Variants in LRRC74B observed in about 807,000 individuals in gnomAD.
The protein encoded by LRRC74B is leucine rich repeat containing 74B.
LRRC74B carries 30 observed loss-of-function variants against 16.6 expected under a neutral mutation model. That is an observed-to-expected ratio of 1.80 (90% confidence interval 1.35 to 2.45). The LOEUF (loss-of-function observed/expected upper bound fraction) is 2.45. Among genes scored for constraint, LRRC74B ranks in the 30% most tolerant of loss-of-function variants. The pLI is 0.00. For synonymous variants in LRRC74B, 134 were observed against 86.0 expected, an observed-to-expected ratio of 1.56 and a Z score of -3.09; for missense variants, 326 against 202.4, an observed-to-expected ratio of 1.61 and a Z score of -3.71.
At chr22:21,046,328 C>G (rs1184881846) in intron 1 of LRRC74B, among the ~76,000 whole-genome samples, 1 of 132,804 alleles carries the variant, frequency 7.5e-6, no homozygotes, top group Admixed American at 7.3e-5. Flanking sequence ...AAGGGCTGTC[C>G]CACCCTGAAA....
At chr22:21,057,023 G>A in intron 7 of LRRC74B, 82 bp from the exon 8 acceptor site, 2 of 687,876 alleles carry the variant, frequency 2.9e-6, no homozygotes, top group Non-Finnish European at 5.4e-6. Context: ...CCTCAGAGAT[G>A]AGGAGCCCCT....
At chr22:21,061,184 A>G (rs527254160), downstream of LRRC74B, among the ~76,000 whole-genome samples, 40 of 152,236 alleles carry the variant, frequency 2.6e-4, no homozygotes, top group African/African-American at 8.2e-4. Context: ...AAAATTAGCC[A>G]GGCATGATGG....
In LRRC74B at chr22:21,047,895, T is replaced by C. The variant is rs1462795764; in HGVS notation, c.294T>C (p.Ala98=). The change falls in exon 3 of 9, where the codon GCT becomes GCC. Residue 98 remains alanine (A), a synonymous_variant. Transcript: ENST00000442047. ...TCTGTCTGTCCCAGGGCGCCCGGGC[T>C]CTGGCTTCCTCATTGAGCTCCAATC... 6 of 717,390 alleles carry C rather than the reference T, an allele frequency of 8.4e-6. No individual in the cohort carries two copies. The Admixed American group carries it at 1.2e-4, about 14-fold the overall frequency. The allele number at this position is 717,390 out of a possible 1,614,324, so 44.4% of individuals were successfully genotyped here.
downstream of LRRC74B, chr22:21,063,801 C>G (rs973253347): frequency 6.6e-6 from 1 of 152,158 alleles, no homozygotes; most frequent in African/African-American, 2.4e-5. Context: ...ATGGTAAAAC[C>G]CTATCTTTTC....
intron 7 of LRRC74B, 79 bp from the exon 8 acceptor site, chr22:21,057,026 G>A: frequency 2.9e-6 from 2 of 691,448 alleles, no homozygotes; most frequent in Non-Finnish European, 5.3e-6. Context: ...CAGAGATGAG[G>A]AGCCCCTCCT....
rs146863420 is a variant in LRRC74B at position 21,053,561 on chromosome 22, C to T, written c.848+86C>T. The T allele has an allele frequency of 2.8e-3, 1,835 of 656,528 alleles. 8 individuals carry two copies. Among genetic ancestry groups the T allele is most frequent in the Non-Finnish European group, 4.3e-3 (1,520 of 354,918 alleles). 40.7% of individuals were successfully genotyped at this position (656,528 alleles called of 1,614,324 possible). ...ACACAGTCTACCCGTGATGGGGATT[C>T]CCGTGATGGGGCTTGAGCCACAATC... On this transcript the variant is annotated intron_variant, in intron 6 of 8. Coordinates refer to ENST00000442047, the Ensembl canonical transcript of LRRC74B.
intron 7 of LRRC74B, chr22:21,056,872 G>T (rs1930561566): frequency 2.0e-6 from 1 of 510,654 alleles, no homozygotes; most frequent in Admixed American, 3.5e-5. Flanking sequence ...TAAAGGCAAG[G>T]GTGTGTCTTG....
At chr22:21,056,596 GCACACACACA>G (rs747195504) in intron 7 of LRRC74B, 2,936 of 140,294 alleles carry the variant, frequency 0.021, 101 homozygotes, top group African/African-American at 0.069. Context: ...CAAGCTTGGA[GCACACACACA>G]CACACACACA....
intron 1 of LRRC74B, 54 bp downstream of exon 1, chr22:21,046,179 C>T (rs761148694): frequency 7.0e-6 from 5 of 710,660 alleles, no homozygotes; most frequent in Non-Finnish European, 1.0e-5. Flanking sequence ...TCTTCTCCCG[C>T]AGGGGTTGGG....
chr22:21,047,413 C>T (rs1929546462), exon 2 of LRRC74B: 1 of 717,376 alleles, frequency 1.4e-6, no homozygotes, highest in African/African-American at 1.7e-5. Context: ...TCTTGCCGGG[C>T]CCATAGTGTT....
At chr22:21,047,725 G>A (rs1310669553) in intron 2 of LRRC74B, among the ~76,000 whole-genome samples, 159 bp from the exon 3 acceptor site, 1 of 152,154 alleles carries the variant, frequency 6.6e-6, no homozygotes, top group African/African-American at 2.4e-5. Context: ...AGGGAGAGCT[G>A]GGGGTGGGGG....
chr22:21,047,748 G>T, intron 2 of LRRC74B, 136 bp from the exon 3 acceptor site: 1 of 632,450 alleles, frequency 1.6e-6, no homozygotes, highest in Admixed American at 2.4e-5. Context: ...GACCTTCACA[G>T]AGCCTAAAAG....
chr22:21,060,626 C>T, downstream of LRRC74B: 1 of 624,808 alleles, frequency 1.6e-6, no homozygotes, highest in East Asian at 2.7e-5. Flanking sequence ...TGTGTCTGCA[C>T]TGAGTCCTCA....
intron 6 of LRRC74B, chr22:21,054,031 G>C (rs1288161569): frequency 6.6e-6 from 1 of 152,372 alleles, no homozygotes; most frequent in East Asian, 1.9e-4. Context: ...CTCCCTTGCA[G>C]AAGACGAGCC....
downstream of LRRC74B, chr22:21,060,583 G>C (rs1202542790): frequency 3.0e-6 from 2 of 667,926 alleles, no homozygotes; most frequent in Non-Finnish European, 5.5e-6. Flanking sequence ...CCAGGGTGAG[G>C]AGCTCTTTGA....
At chr22:21,048,625 C>A in intron 3 of LRRC74B, 1 of 368,896 alleles carries the variant, frequency 2.7e-6, no homozygotes, top group South Asian at 3.3e-5. Context: ...GGCAACGGGG[C>A]TGTGAGGGCT....
At chr22:21,063,675 A>G (rs1930915285), downstream of LRRC74B, 1 of 152,230 alleles carries the variant, frequency 6.6e-6, no homozygotes, top group African/African-American at 2.4e-5. Context: ...CTGTCTCAAA[A>G]TAATAATAAC....
chr22:21,055,106 G>T (rs1238275358), exon 7 of LRRC74B: 2 of 717,178 alleles, frequency 2.8e-6, no homozygotes, highest in East Asian at 2.7e-5. Flanking sequence ...AGTAACAACC[G>T]CATCTCTGCG....
At chr22:21,058,159 C>T (rs1357075450) in intron 8 of LRRC74B, among the ~76,000 whole-genome samples, 1 of 151,506 alleles carries the variant, frequency 6.6e-6, no homozygotes, top group Non-Finnish European at 1.5e-5. Context: ...CCTCGGCCTT[C>T]CAAGTGCTGG....
Sources: allele counts gnomAD v4.1 joint callset (sites outside exome capture counted in the v4.1 genomes callset), GRCh38; gene constraint gnomAD v4.1.1; transcripts MANE v1.5; gene names NCBI Gene and HGNC (gene_info 2026-07-23, HGNC 2026-07-21).